Variants in ATP2B2 observed in about 807,000 individuals in gnomAD.
ATP2B2 encodes ATPase plasma membrane Ca2+ transporting 2.
In ATP2B2, 15 loss-of-function variants were observed where a neutral mutation model predicts 120.0. That is an observed-to-expected ratio of 0.12 (90% confidence interval 0.08 to 0.19). The LOEUF (loss-of-function observed/expected upper bound fraction) is 0.19, where lower values mean the gene tolerates loss of function less well. Ranked by LOEUF, ATP2B2 falls within the 10% of genes least tolerant of loss-of-function variation. The pLI, the probability that ATP2B2 is intolerant of heterozygous loss-of-function variation, is 1.00. For missense variants in ATP2B2, 1,045 were observed against 1,719.8 expected, an observed-to-expected ratio of 0.61 and a Z score of 6.94; for synonymous variants, 694 against 700.3, an observed-to-expected ratio of 0.99 and a Z score of 0.14.
chr3:10,540,488 G>C (rs2067411521), intron 2 of ATP2B2, among the ~76,000 whole-genome samples: 2 of 152,104 alleles, frequency 1.3e-5, no homozygotes, highest in South Asian at 4.2e-4. Flanking sequence ...ATCAATGATA[G>C]ACTGGATTAA....
At chr3:10,425,167 G>T (rs910045329) in intron 2 of ATP2B2, among the ~76,000 whole-genome samples, 1 of 151,762 alleles carries the variant, frequency 6.6e-6, no homozygotes, top group Non-Finnish European at 1.5e-5. Context: ...TAAATTAGCT[G>T]GGCGTGGTTG....
chr3:10,346,192 G>A lies in ATP2B2; in HGVS notation c.2405-55C>T. ...GGGCCACTCAGGTGGGAGGCAGCCTGGGCCAGCCCTGGTCCTCGGGAGGGG... is the reference window on the plus strand; with the variant it reads ...GGGCCACTCAGGTGGGAGGCAGCCTAGGCCAGCCCTGGTCCTCGGGAGGGG... On this transcript the variant is annotated intron_variant, in intron 16 of 22. Transcript: ENST00000360273. This position sits in a 1 kb window ranked among gnomAD's most constrained non-coding sequence, Gnocchi z 4.1. 6.4e-7 allele frequency: 1 copy of A among 1,573,656 alleles called. No homozygotes were observed. The highest frequency in any genetic ancestry group is 1.1e-5 in the South Asian group (1 of 90,044).
intron 3 of ATP2B2, among the ~76,000 whole-genome samples, chr3:10,533,630 C>T (rs556877719): frequency 6.6e-6 from 1 of 152,224 alleles, no homozygotes; most frequent in Non-Finnish European, 1.5e-5. Flanking sequence ...GGGCATGGCC[C>T]AGAGGGTAGA....
intron 12 of ATP2B2, among the ~76,000 whole-genome samples, chr3:10,368,081 G>A (rs1232843851): frequency 6.6e-6 from 1 of 152,164 alleles, no homozygotes; most frequent in Non-Finnish European, 1.5e-5. Context: ...GGTGACTTGG[G>A]ACAAATCCCT....
intron 2 of ATP2B2, among the ~76,000 whole-genome samples, chr3:10,582,085 C>T (rs890947454): frequency 7.2e-5 from 11 of 152,164 alleles, no homozygotes; most frequent in Admixed American, 1.3e-4. Flanking sequence ...TTATTTTTAA[C>T]GAGACATACT....
chr3:10,612,622 CGATCTATATACT>C (rs2069272574), intron 2 of ATP2B2, among the ~76,000 whole-genome samples: 1 of 152,156 alleles, frequency 6.6e-6, no homozygotes, highest in Admixed American at 6.5e-5. Flanking sequence ...GCTTTAAATA[CGATCTATATACT>C]GATATCTCCC....
chr3:10,643,701 T>G (rs746038208), intron 1 of ATP2B2, among the ~76,000 whole-genome samples: 1 of 152,156 alleles, frequency 6.6e-6, no homozygotes. Flanking sequence ...TTCAAAAAAT[T>G]TCAGTGTCAT....
intron 1 of ATP2B2, among the ~76,000 whole-genome samples, chr3:10,681,315 C>T (rs943549868): frequency 1.3e-5 from 2 of 152,208 alleles, no homozygotes; most frequent in Non-Finnish European, 2.9e-5. Context: ...GGAGGCCTGG[C>T]CCCAGGCCCT....
In ATP2B2 at chr3:10,429,242, T is replaced by A. The variant is rs2063236496; in HGVS notation, c.200-18427A>T. Among the ~76,000 whole-genome samples, 3 of 152,212 alleles carry A rather than the reference T, an allele frequency of 2.0e-5. No homozygotes were observed. The South Asian group carries it at 6.2e-4, about 32-fold the overall frequency. On this transcript the variant is annotated intron_variant, in intron 2 of 22. Coordinates refer to ENST00000360273, the MANE Select transcript of ATP2B2 (RefSeq NM_001001331.4). ...ATTTCCTCCAGAGTCCTTAAGACAG[T>A]GGAAAATCTCCATTATTTTCCCATT...
intron 1 of ATP2B2, among the ~76,000 whole-genome samples, chr3:10,633,186 C>T (rs534502407): frequency 2.0e-5 from 3 of 152,336 alleles, no homozygotes; most frequent in African/African-American, 7.2e-5. Context: ...TCTCTCCCTT[C>T]ATCAAGAAAA....
chr3:10,609,297 G>A (rs927171280), intron 2 of ATP2B2, among the ~76,000 whole-genome samples: 1 of 151,276 alleles, frequency 6.6e-6, no homozygotes, highest in Non-Finnish European at 1.5e-5. Flanking sequence ...GAGCTGTCTG[G>A]AACTCTGGCT....
At chr3:10,392,747 G>A (rs1445617229) in intron 5 of ATP2B2, among the ~76,000 whole-genome samples, 1 of 152,270 alleles carries the variant, frequency 6.6e-6, no homozygotes, top group Admixed American at 6.5e-5. Flanking sequence ...CTGGGACATG[G>A]TGTCTAATTC....
chr3:10,450,802 G>A (rs985297960), intron 1 of ATP2B2, among the ~76,000 whole-genome samples: 1 of 152,174 alleles, frequency 6.6e-6, no homozygotes, highest in African/African-American at 2.4e-5. Context: ...TGCGGCATCT[G>A]TGGGGCTGCC....
chr3:10,523,518 G>C (rs531224263), intron 3 of ATP2B2, among the ~76,000 whole-genome samples: 1 of 152,360 alleles, frequency 6.6e-6, no homozygotes, highest in Non-Finnish European at 1.5e-5. Flanking sequence ...GCCAGGGCTA[G>C]AAGTGAAGTT....
intron 2 of ATP2B2, among the ~76,000 whole-genome samples, chr3:10,594,602 G>A (rs1016955789): frequency 9.2e-5 from 14 of 151,630 alleles, no homozygotes; most frequent in African/African-American, 2.7e-4. Context: ...AGCATTAGGC[G>A]ATATACCTAA....
chr3:10,562,242 C>T (rs2067918542), intron 2 of ATP2B2, among the ~76,000 whole-genome samples: 1 of 152,138 alleles, frequency 6.6e-6, no homozygotes, highest in Non-Finnish European at 1.5e-5. Context: ...GGGCTAGAGG[C>T]AGTGAGGAGG....
chr3:10,623,296 A>G (rs1008752404), intron 1 of ATP2B2, among the ~76,000 whole-genome samples: 1 of 152,114 alleles, frequency 6.6e-6, no homozygotes, highest in Non-Finnish European at 1.5e-5. Context: ...TGGCTCAAGC[A>G]ATACTCCCAC....
In ATP2B2 at chr3:10,511,518, T is replaced by C. The variant is rs1485943267; in HGVS notation, c.-320+22521A>G. Among the ~76,000 whole-genome samples, 4 of 152,214 alleles carry C rather than the reference T, an allele frequency of 2.6e-5. No homozygotes were observed. The East Asian group carries it at 7.7e-4, about 29-fold the overall frequency. On this transcript the variant is annotated intron_variant, in intron 3 of 21. Coordinates refer to the ATP2B2 transcript ENST00000646379. ...TGCATCTCTTTAGGCTCTGGAAATA[T>C]TCTTTGGACGCATTTAGGGGTCCTG... is the stretch of plus-strand genomic sequence containing the variant.
intron 1 of ATP2B2, among the ~76,000 whole-genome samples, chr3:10,486,324 C>CCTGTGTGCGT (rs1553616065): frequency 8.5e-6 from 1 of 117,088 alleles, no homozygotes; most frequent in East Asian, 2.2e-4. Flanking sequence ...TGTGTGCGTG[C>CCTGTGTGCGT]GTGTGTGTGT....
Sources: gnomAD v4.1 joint callset for allele counts (sites outside exome capture counted in the v4.1 genomes callset) on GRCh38, gnomAD v4.1.1 for gene constraint, Gnocchi (gnomAD v3.1) non-coding constraint, MANE v1.5 for transcripts, NCBI Gene and HGNC (gene_info 2026-07-23, HGNC 2026-07-21) for gene names.